The following GSE1 variants were observed in gnomAD, a reference collection of about 807,000 sequenced individuals.
The protein encoded by GSE1 is genetic suppressor element 1.
GSE1 carries 32 observed loss-of-function variants against 112.6 expected under a neutral mutation model. The ratio of observed to expected loss-of-function variants is 0.28; its 90% CI spans 0.21 to 0.38. The LOEUF is 0.38. GSE1 is among the 10% of genes least tolerant of loss of function. The pLI is 1.00. For synonymous variants in GSE1, 1,115 were observed against 735.6 expected, an observed-to-expected ratio of 1.52 and a Z score of -8.35; for missense variants, 2,348 against 1,699.2, an observed-to-expected ratio of 1.38 and a Z score of -6.71.
intron 2 of GSE1, among the ~76,000 whole-genome samples, chr16:85,433,064 C>A (rs984131341): frequency 1.3e-5 from 2 of 151,908 alleles, no homozygotes; most frequent in African/African-American, 4.8e-5. Flanking sequence ...AGAGACTTCC[C>A]TGGGGCAACT....
chr16:85,557,756 G>A (rs1463690649), intron 1 of GSE1, among the ~76,000 whole-genome samples: 3 of 149,956 alleles, frequency 2.0e-5, no homozygotes, highest in Non-Finnish European at 4.4e-5. Flanking sequence ...AGGGCAGAGG[G>A]TCACCAGAGT....
intron 2 of GSE1, among the ~76,000 whole-genome samples, chr16:85,511,821 C>T (rs1490993139): frequency 2.0e-5 from 3 of 152,190 alleles, no homozygotes; most frequent in Non-Finnish European, 4.4e-5. Flanking sequence ...TCCCTAGAGC[C>T]TCCAGAGGGA....
At chr16:85,552,424 T>C (rs1352253116), upstream of GSE1, among the ~76,000 whole-genome samples, 3 of 115,412 alleles carry the variant, frequency 2.6e-5, 1 homozygote, top group Admixed American at 2.0e-4. Context: ...CTCCGCCTCC[T>C]GGGTTCACGC....
At chr16:85,494,487 C>G (rs867940884) in intron 2 of GSE1, among the ~76,000 whole-genome samples, 1 of 148,316 alleles carries the variant, frequency 6.7e-6, no homozygotes, top group South Asian at 2.1e-4. Flanking sequence ...GGGTCTCACT[C>G]TGTTGCCCAG....
chr16:85,172,679 G>A (rs2074381614), intron 1 of GSE1, among the ~76,000 whole-genome samples: 1 of 152,242 alleles, frequency 6.6e-6, no homozygotes, highest in African/African-American at 2.4e-5. Context: ...GACAGTCAGT[G>A]CGACTTGTTT....
chr16:85,469,398 G>A (rs939882799), intron 2 of GSE1, among the ~76,000 whole-genome samples: 9 of 152,160 alleles, frequency 5.9e-5, no homozygotes, highest in Admixed American at 1.3e-4. Flanking sequence ...ATGCGCTGGC[G>A]CCCACCAGAT....
intron 2 of GSE1, among the ~76,000 whole-genome samples, chr16:85,541,298 T>A (rs1478745393): frequency 2.0e-5 from 3 of 151,964 alleles, no homozygotes; most frequent in African/African-American, 7.3e-5. Context: ...CGAGACACAG[T>A]CAACAAAGAG....
intron 11 of GSE1, 42 bp downstream of exon 11, chr16:85,663,656 T>C: frequency 6.4e-7 from 1 of 1,574,776 alleles, no homozygotes; most frequent in East Asian, 2.2e-5. Flanking sequence ...CTCACTGGGG[T>C]GGAAGTGGGT....
chr16:85,647,062 G>C lies in GSE1; in HGVS notation c.227-1490G>C, dbSNP rs192601731. ...AGGGGAGCCCTGGTCTGAGAAGGCA[G>C]TTTTGCTCCATGAAGGAGGAAGCCC... On this transcript the variant is annotated intron_variant, in intron 2 of 15. Coordinates refer to ENST00000253458, the MANE Select transcript of GSE1 (RefSeq NM_014615.5). Among the ~76,000 whole-genome samples the C allele has an allele frequency of 4.2e-3, 643 of 152,308 alleles. 3 individuals are homozygous for C. The highest frequency in any genetic ancestry group is 0.015 in the African/African-American group (616 of 41,566).
intron 1 of GSE1, among the ~76,000 whole-genome samples, chr16:85,208,601 G>C (rs1324434509): frequency 6.6e-6 from 1 of 151,908 alleles, no homozygotes; most frequent in Non-Finnish European, 1.5e-5. Context: ...TGAAGGACCA[G>C]ATTGTAGATA....
Position 85,661,518 on chromosome 16 carries a change from C to A in GSE1, c.2013C>A (p.Pro671=), listed in dbSNP as rs141847715. Residue 671 remains proline (P), a synonymous_variant, in exon 9 of 16, where the codon CCC becomes CCA. Coordinates refer to ENST00000253458, the MANE Select transcript of GSE1 (RefSeq NM_014615.5). The stretch of plus-strand genomic sequence containing the variant: ...AGCACCAGCCCTTCCTGCCCGGGCC[C>A]GGGCCCTTCCTGGCTGAGCTCGAGA... ...SLEHQPFLPG[P]GPFLAELEKS... is the part of the protein sequence containing the mutation. The A allele has an allele frequency of 1.9e-6, 3 of 1,612,072 alleles. No homozygotes were observed. Among genetic ancestry groups the A allele is most frequent in the Non-Finnish European group, 2.5e-6 (3 of 1,179,716 alleles).
intron 1 of GSE1, among the ~76,000 whole-genome samples, chr16:85,187,543 G>C (rs2074730697): frequency 6.6e-6 from 1 of 152,266 alleles, no homozygotes; most frequent in African/African-American, 2.4e-5. Context: ...GCTGAGGCCA[G>C]CGCGAGTACT....
chr16:85,228,220 A>G (rs2075522656), intron 1 of GSE1, among the ~76,000 whole-genome samples: 1 of 152,216 alleles, frequency 6.6e-6, no homozygotes, highest in Non-Finnish European at 1.5e-5. Flanking sequence ...AACATGAGTC[A>G]AGTCTGGGGG....
At chr16:85,195,245 G>T (rs2074904344) in intron 1 of GSE1, among the ~76,000 whole-genome samples, 1 of 152,236 alleles carries the variant, frequency 6.6e-6, no homozygotes, top group Non-Finnish European at 1.5e-5. Context: ...ATAAGCCACT[G>T]TGTATTTGGA....
rs373155022 is a variant in GSE1, at chr16:85,668,123, C to G, written c.3131-17C>G. On this transcript the variant is annotated splice_polypyrimidine_tract_variant and intron_variant, in intron 13 of 15. Transcript: ENST00000253458. ...CCTTCCCCCAACACACTGATGCAAG[C>G]CCTGTCCCCTCCACAGGGAGCGTGG... is the stretch of plus-strand genomic sequence containing the variant. The G allele has an allele frequency of 1.5e-5, 24 of 1,549,900 alleles. No homozygotes were observed. The highest frequency in any genetic ancestry group is 2.0e-4 in the Middle Eastern group (1 of 4,924).
intron 1 of GSE1, among the ~76,000 whole-genome samples, chr16:85,331,683 GTGTATATA>G (rs370314763): frequency 0.02 from 939 of 46,170 alleles, 51 homozygotes; most frequent in Non-Finnish European, 0.025. Context: ...GTGTGTGTGT[GTGTATATA>G]TATATATATA....
intron 14 of GSE1, among the ~76,000 whole-genome samples, chr16:85,669,299 A>G (rs1250554754): frequency 2.0e-5 from 3 of 152,272 alleles, no homozygotes; most frequent in African/African-American, 7.2e-5. Flanking sequence ...CATGTCCTAG[A>G]GGACTCTTTA....
At chr16:85,331,539 ATATG>A (rs2046359377) in intron 1 of GSE1, among the ~76,000 whole-genome samples, 2 of 104,496 alleles carry the variant, frequency 1.9e-5, no homozygotes, top group South Asian at 3.3e-4. Context: ...GTATATGTGT[ATATG>A]TGTGTATATA....
chr16:85,382,507 C>G (rs996896773), intron 2 of GSE1, among the ~76,000 whole-genome samples: 4 of 152,154 alleles, frequency 2.6e-5, no homozygotes, highest in Non-Finnish European at 5.9e-5. Flanking sequence ...GGAAGATGCA[C>G]GTGGTCTGCC....
Sources: gnomAD v4.1 joint callset for allele counts (sites outside exome capture counted in the v4.1 genomes callset) on GRCh38, gnomAD v4.1.1 for gene constraint, MANE v1.5 for transcripts, NCBI Gene and HGNC (gene_info 2026-07-23, HGNC 2026-07-21) for gene names.